The following TBCD variants were observed in gnomAD, a reference collection of about 807,000 sequenced individuals.
TBCD encodes the protein tubulin-specific chaperone D.
A neutral mutation model predicts 169.3 loss-of-function variants in TBCD; 105 were observed. The ratio of observed to expected loss-of-function variants is 0.62; its 90% CI spans 0.53 to 0.73. The LOEUF is 0.73. Ranked by LOEUF, TBCD falls within the 30% of genes least tolerant of loss-of-function variation. The probability of loss-of-function intolerance (pLI) is 0.00; values close to 1 mark genes in which losing one functional copy is unlikely to be tolerated. For missense variants in TBCD, 1,444 were observed against 1,600.1 expected, an observed-to-expected ratio of 0.90 and a Z score of 1.66; for synonymous variants, 700 against 643.9, an observed-to-expected ratio of 1.09 and a Z score of -1.32.
At chr17:82,788,577 C>G (rs1215674988) in intron 7 of TBCD, among the ~76,000 whole-genome samples, 1 of 152,178 alleles carries the variant, frequency 6.6e-6, no homozygotes. Context: ...TCACACACAA[C>G]AGCATTAAAA....
At chr17:82,815,371 A>G (rs542392333) in intron 13 of TBCD, among the ~76,000 whole-genome samples, 1 of 152,298 alleles carries the variant, frequency 6.6e-6, no homozygotes, top group African/African-American at 2.4e-5. Flanking sequence ...CAGTTGTAGA[A>G]CCAGGTACCC....
intron 7 of TBCD, chr17:82,795,682 C>A: frequency 3.5e-6 from 3 of 863,316 alleles, no homozygotes; most frequent in Non-Finnish European, 4.2e-6. Flanking sequence ...GACAGCCGCA[C>A]TCTTGCGTGG....
At chr17:82,811,518 C>T (rs74542034) in intron 12 of TBCD, among the ~76,000 whole-genome samples, 3,366 of 152,230 alleles carry the variant, frequency 0.022, 145 homozygotes, top group African/African-American at 0.077. Flanking sequence ...CTCTTGATTT[C>T]GCAGGGCCTT....
In TBCD at chr17:82,806,029, G is replaced by T; in HGVS notation, c.1087+18G>T. ...TGTGATAGGTGCGTGGGGTCTAAGCGGCGGCCTCTGCTCTTGGGCACCGTC... is the reference window on the plus strand; with the variant it reads ...TGTGATAGGTGCGTGGGGTCTAAGCTGCGGCCTCTGCTCTTGGGCACCGTC... On this transcript the variant is annotated intron_variant, in intron 10 of 38. Transcript: ENST00000355528. This position sits in a 1 kb window ranked among gnomAD's most constrained non-coding sequence, Gnocchi z 5.1. 6.2e-7 allele frequency: 1 copy of T among 1,606,756 alleles called. No individual in the cohort carries two copies. Among genetic ancestry groups the T allele is most frequent in the South Asian group, 1.1e-5 (1 of 90,902 alleles).
intron 7 of TBCD, among the ~76,000 whole-genome samples, chr17:82,797,003 G>A (rs559690311): frequency 2.4e-4 from 37 of 152,348 alleles, no homozygotes; most frequent in African/African-American, 7.9e-4. Flanking sequence ...CCTTGACTGT[G>A]AAATTCTGTT....
In TBCD at chr17:82,875,039, A is replaced by G. The variant is rs529137638; in HGVS notation, c.1475+4659A>G. 2.0e-5 allele frequency among the ~76,000 whole-genome samples: 3 copies of G among 152,224 alleles called. No individual in the cohort carries two copies. In the South Asian group the frequency reaches 6.2e-4, roughly 32 times the overall value. ...ACTCTTCAGGTGCCTGGCTCTTCTG[A>G]GAGTCAGTTCGGGGGTTTAGTGGCT... On this transcript the variant is annotated intron_variant, in intron 14 of 38. Coordinates refer to ENST00000355528, the MANE Select transcript of TBCD (RefSeq NM_005993.5).
At chr17:82,812,655 C>T (rs1449429154) in intron 12 of TBCD, among the ~76,000 whole-genome samples, 2 of 152,244 alleles carry the variant, frequency 1.3e-5, no homozygotes, top group African/African-American at 4.8e-5. Flanking sequence ...AGCCATTCCC[C>T]TGCCGCAGCC....
rs1018526964 is a variant in TBCD, at chr17:82,937,209, A to G, written c.3192-62A>G. On this transcript the variant is annotated intron_variant, in intron 34 of 38. Coordinates refer to ENST00000355528, the MANE Select transcript of TBCD (RefSeq NM_005993.5). ...GGAGTTGACCTTCTTTGAGACAGAA[A>G]AAGTGTGCATCCCGGGGCTGCCTGT... is the stretch of plus-strand genomic sequence containing the variant. 9 of 1,497,824 alleles carry G rather than the reference A, an allele frequency of 6.0e-6. No homozygotes were observed. In the African/African-American group the frequency reaches 6.9e-5, roughly 12 times the overall value. 92.8% of individuals were successfully genotyped at this position (1,497,824 alleles called of 1,614,324 possible).
At chr17:82,791,318 C>A (rs2049713583) in intron 7 of TBCD, among the ~76,000 whole-genome samples, 1 of 152,132 alleles carries the variant, frequency 6.6e-6, no homozygotes. Flanking sequence ...GTCTCGATCT[C>A]CTGACCTCGT....
chr17:82,888,007 G>A (rs574924839), intron 15 of TBCD, among the ~76,000 whole-genome samples: 6 of 152,274 alleles, frequency 3.9e-5, no homozygotes, highest in South Asian at 2.1e-4. Context: ...TTGGATTTGC[G>A]TTTGGCTTTC....
At chr17:82,872,702 C>T (rs997028494) in intron 14 of TBCD, among the ~76,000 whole-genome samples, 6 of 152,382 alleles carry the variant, frequency 3.9e-5, no homozygotes, top group East Asian at 1.9e-4. Flanking sequence ...AACTTCCTTA[C>T]GTTGATATCT....
chr17:82,916,127 T>C (rs1214453562), intron 23 of TBCD, among the ~76,000 whole-genome samples: 5 of 152,238 alleles, frequency 3.3e-5, no homozygotes, highest in Non-Finnish European at 7.3e-5. Context: ...CTGTCCTGCA[T>C]TTCTCACCTT....
rs751837327 is a variant in TBCD at position 82,766,257 on chromosome 17, T to C, written c.334-10T>C. The C allele has an allele frequency of 1.6e-5, 25 of 1,600,214 alleles. No individual in the cohort carries two copies. The highest frequency in any genetic ancestry group is 2.1e-5 in the Non-Finnish European group (25 of 1,172,246). On this transcript the variant is annotated splice_polypyrimidine_tract_variant and intron_variant, in intron 3 of 38. Transcript: ENST00000355528. ...TAAATGTTATAATTCAGCATCTCTT[T>C]ATTTGATAGGTTCGAGGCTATAAAA...
intron 7 of TBCD, among the ~76,000 whole-genome samples, chr17:82,793,188 T>C (rs1318813631): frequency 6.6e-6 from 1 of 152,240 alleles, no homozygotes; most frequent in Non-Finnish European, 1.5e-5. Flanking sequence ...CATTTACCAA[T>C]CCAGCAATGA....
At chr17:82,829,012 C>T (rs1356594639) in intron 13 of TBCD, among the ~76,000 whole-genome samples, 2 of 148,080 alleles carry the variant, frequency 1.4e-5, no homozygotes, top group Admixed American at 6.8e-5. Flanking sequence ...CGTGTACACA[C>T]CCCCGCAGAT....
chr17:82,901,583 G>T (rs1283094882), intron 18 of TBCD, among the ~76,000 whole-genome samples: 1 of 150,436 alleles, frequency 6.6e-6, no homozygotes, highest in African/African-American at 2.5e-5. Flanking sequence ...ACCTGCGGTG[G>T]TCCTGCTGCC....
intron 16 of TBCD, among the ~76,000 whole-genome samples, chr17:82,892,093 C>T (rs569722809): frequency 4.0e-5 from 6 of 151,650 alleles, no homozygotes; most frequent in Admixed American, 1.3e-4. Context: ...TTTGTCTGCT[C>T]GGAGCCTGTT....
intron 9 of TBCD, among the ~76,000 whole-genome samples, chr17:82,804,579 G>A (rs757971982): frequency 1.3e-5 from 2 of 152,212 alleles, no homozygotes; most frequent in African/African-American, 2.4e-5. Flanking sequence ...GGTTGCTGTC[G>A]GGACCCGGTG....
intron 9 of TBCD, among the ~76,000 whole-genome samples, 152 bp downstream of exon 9, chr17:82,801,148 C>T (rs1247304918): frequency 4.0e-5 from 5 of 124,226 alleles, no homozygotes; most frequent in South Asian, 2.7e-4. Flanking sequence ...GGGAGGCAGG[C>T]GCCATGGGGT....
Sources: gnomAD v4.1 joint callset for allele counts (sites outside exome capture counted in the v4.1 genomes callset) on GRCh38, gnomAD v4.1.1 for gene constraint, Gnocchi (gnomAD v3.1) non-coding constraint, MANE v1.5 for transcripts, NCBI Gene and HGNC (gene_info 2026-07-23, HGNC 2026-07-21) for gene names.